LAMA2: variants seen among roughly 807,000 people sequenced by gnomAD.
LAMA2 encodes laminin subunit alpha-2.
LAMA2 carries 269 observed loss-of-function variants against 364.8 expected under a neutral mutation model. That is an observed-to-expected ratio of 0.74 (90% CI 0.67 to 0.82). The LOEUF is 0.82. LAMA2 is among the 40% of genes least tolerant of loss of function. The pLI, the probability that LAMA2 is intolerant of heterozygous loss-of-function variation, is 0.00. For synonymous variants in LAMA2, 1,379 were observed against 1,370.6 expected, an observed-to-expected ratio of 1.01 and a Z score of -0.14; for missense variants, 3,807 against 3,873.2, an observed-to-expected ratio of 0.98 and a Z score of 0.45.
intron 3 of LAMA2, among the ~76,000 whole-genome samples, chr6:129,091,525 G>T (rs1774828028): frequency 6.6e-6 from 1 of 152,168 alleles, no homozygotes; most frequent in Non-Finnish European, 1.5e-5. Context: ...TGCAACTTCA[G>T]GAATTTCATG....
chr6:128,911,047 A>G (rs953864003), intron 1 of LAMA2, among the ~76,000 whole-genome samples: 6 of 151,886 alleles, frequency 4.0e-5, no homozygotes, highest in African/African-American at 1.5e-4. Flanking sequence ...CAAAGCTGTC[A>G]GACAGGGACA....
chr6:128,951,890 G>A (rs1780845495), intron 1 of LAMA2, among the ~76,000 whole-genome samples: 1 of 152,142 alleles, frequency 6.6e-6, no homozygotes, highest in African/African-American at 2.4e-5. Context: ...AGGTATGGTG[G>A]CTCACACAGG....
At chr6:129,458,658 G>A (rs1562583115) in intron 48 of LAMA2, among the ~76,000 whole-genome samples, 1 of 151,924 alleles carries the variant, frequency 6.6e-6, no homozygotes, top group African/African-American at 2.4e-5. Flanking sequence ...CAAGTCAGGG[G>A]CTCCGATCAA....
intron 43 of LAMA2, chr6:129,442,095 A>T: frequency 1.5e-6 from 1 of 652,560 alleles, no homozygotes; most frequent in Non-Finnish European, 2.4e-6. Flanking sequence ...TTATATGCCA[A>T]CATTTTTGGG....
intron 58 of LAMA2, among the ~76,000 whole-genome samples, chr6:129,501,326 G>A (rs1340533219): frequency 1.3e-5 from 2 of 152,114 alleles, no homozygotes; most frequent in South Asian, 2.1e-4. Flanking sequence ...TCCTACCCAC[G>A]GGGTTTTGCA....
At chr6:129,362,617 A>T (rs1028521803) in intron 32 of LAMA2, among the ~76,000 whole-genome samples, 4 of 152,246 alleles carry the variant, frequency 2.6e-5, no homozygotes, top group Non-Finnish European at 4.4e-5. Flanking sequence ...TTTCCTAGGC[A>T]CCATAACCAA....
At chr6:129,352,793 T>C (rs1776926964) in intron 31 of LAMA2, among the ~76,000 whole-genome samples, 1 of 152,158 alleles carries the variant, frequency 6.6e-6, no homozygotes, top group African/African-American at 2.4e-5. Context: ...ATCAATTTGA[T>C]GACAGGAGGC....
At chr6:129,177,945 C>A in intron 10 of LAMA2, 79 bp downstream of exon 10, 1 of 1,422,470 alleles carries the variant, frequency 7.0e-7, no homozygotes, top group Non-Finnish European at 9.9e-7. Context: ...ATTTCCTTGG[C>A]ATTAAGCAAT....
intron 12 of LAMA2, among the ~76,000 whole-genome samples, chr6:129,206,913 G>A (rs1228032426): frequency 2.0e-5 from 3 of 152,296 alleles, no homozygotes; most frequent in South Asian, 2.1e-4. Flanking sequence ...GAAAGCTGAC[G>A]GAATTGAGCC....
chr6:129,254,140 G>A (rs1786463973), intron 14 of LAMA2, among the ~76,000 whole-genome samples: 1 of 152,144 alleles, frequency 6.6e-6, no homozygotes, highest in South Asian at 2.1e-4. Flanking sequence ...TATACTGTTT[G>A]TGTACAAGCA....
chr6:129,292,826 G>A (rs1789807465), intron 20 of LAMA2: 2 of 985,746 alleles, frequency 2.0e-6, no homozygotes, highest in South Asian at 4.7e-5. Context: ...GGGATCCAGA[G>A]AAGCGATTCT....
In LAMA2 at chr6:129,022,319, T is replaced by C. The variant is rs117519966; in HGVS notation, c.113-27599T>C. On this transcript the variant is annotated intron_variant, in intron 1 of 64. Coordinates refer to ENST00000421865, the MANE Select transcript of LAMA2 (RefSeq NM_000426.4). Reference sequence around the variant, plus strand: ...ATTTTGTTTTACTTAAAAGGAATGTTACAATGCTGTTAACGTTTTTGCTTA... The same window carrying C: ...ATTTTGTTTTACTTAAAAGGAATGTCACAATGCTGTTAACGTTTTTGCTTA... 6.7e-3 allele frequency among the ~76,000 whole-genome samples: 1,021 copies of C among 152,344 alleles called. 13 individuals carry two copies. The highest frequency in any genetic ancestry group is 0.031 in the South Asian group (150 of 4,832).
At chr6:129,271,668 AG>A (rs1356332465) in intron 17 of LAMA2, among the ~76,000 whole-genome samples, 10 of 152,000 alleles carry the variant, frequency 6.6e-5, no homozygotes, top group Admixed American at 6.6e-4. Flanking sequence ...TTTAAATAAA[AG>A]GAAATTATTT....
intron 47 of LAMA2, among the ~76,000 whole-genome samples, chr6:129,454,833 T>C (rs1782872162): frequency 6.6e-6 from 1 of 152,164 alleles, no homozygotes; most frequent in South Asian, 2.1e-4. Context: ...TATAGATTAC[T>C]TATAGAACTA....
chr6:129,446,325 A>G (rs1000407642), intron 45 of LAMA2, among the ~76,000 whole-genome samples: 9 of 151,140 alleles, frequency 6.0e-5, no homozygotes, highest in Non-Finnish European at 1.0e-4. Flanking sequence ...TTTTACATTT[A>G]TTTTTTGTTT....
intron 29 of LAMA2, among the ~76,000 whole-genome samples, chr6:129,329,286 C>T (rs771667916): frequency 2.0e-5 from 3 of 152,184 alleles, no homozygotes; most frequent in Non-Finnish European, 2.9e-5. Flanking sequence ...TTCTCTTCAT[C>T]ATGCTCTGAC....
chr6:128,959,236 A>G (rs1377785481), intron 1 of LAMA2, among the ~76,000 whole-genome samples: 4 of 152,194 alleles, frequency 2.6e-5, no homozygotes, highest in Non-Finnish European at 5.9e-5. Context: ...TTGGAAATCT[A>G]TTAATTGATG....
At chr6:129,388,595 C>T (rs1422015930) in intron 35 of LAMA2, among the ~76,000 whole-genome samples, 1 of 151,934 alleles carries the variant, frequency 6.6e-6, no homozygotes, top group Non-Finnish European at 1.5e-5. Context: ...CTCATTTTTC[C>T]CTTCCTCTAT....
intron 60 of LAMA2, among the ~76,000 whole-genome samples, chr6:129,504,016 C>T (rs1027925009): frequency 8.5e-5 from 13 of 152,134 alleles, no homozygotes; most frequent in African/African-American, 2.9e-4. Context: ...TCTGCACCTG[C>T]GATAGCCTAT....
Sources: gnomAD v4.1 joint callset for allele counts (sites outside exome capture counted in the v4.1 genomes callset) on GRCh38, gnomAD v4.1.1 for gene constraint, MANE v1.5 for transcripts, NCBI Gene and HGNC (gene_info 2026-07-23, HGNC 2026-07-21) for gene names.